Variants in COL24A1 observed in about 807,000 individuals in gnomAD.
COL24A1 encodes collagen alpha-1(XXIV) chain.
In COL24A1, 224 loss-of-function variants were observed where a neutral mutation model predicts 253.9. That is an observed-to-expected ratio of 0.88 (90% CI 0.79 to 0.99). The LOEUF (loss-of-function observed/expected upper bound fraction) is 0.99, where lower values mean the gene tolerates loss of function less well. Among genes scored for constraint, COL24A1 ranks in the 50% least tolerant of loss-of-function variants. The pLI, the probability that COL24A1 is intolerant of heterozygous loss-of-function variation, is 0.00. For missense variants in COL24A1, 2,131 were observed against 2,068.5 expected (o/e 1.03, Z -0.59); for synonymous variants, 685 against 673.7 (o/e 1.02, Z -0.26).
At chr1:86,082,699 A>C (rs986202761) in intron 7 of COL24A1, among the ~76,000 whole-genome samples, 1 of 136,838 alleles carries the variant, frequency 7.3e-6, no homozygotes, top group African/African-American at 2.8e-5. Context: ...CATAAATACA[A>C]TTTACATATT....
At chr1:86,056,197 C>T (rs960983977) in intron 10 of COL24A1, among the ~76,000 whole-genome samples, 1 of 151,636 alleles carries the variant, frequency 6.6e-6, no homozygotes, top group Non-Finnish European at 1.5e-5. Flanking sequence ...AAATCCAAGT[C>T]AACATGTGTT....
chr1:85,888,085 G>A (rs771743153), intron 32 of COL24A1, among the ~76,000 whole-genome samples: 4 of 151,620 alleles, frequency 2.6e-5, no homozygotes, highest in Non-Finnish European at 4.4e-5. Context: ...AATACAATAA[G>A]CCAGAAATTT....
At chr1:85,825,192 C>T (rs921285817) in intron 43 of COL24A1, among the ~76,000 whole-genome samples, 15 of 150,824 alleles carry the variant, frequency 9.9e-5, no homozygotes, top group Non-Finnish European at 2.1e-4. Context: ...TTTGTTCTTG[C>T]GATAGCTGAC....
chr1:85,964,680 GA>G (rs1368462096), intron 23 of COL24A1, among the ~76,000 whole-genome samples: 1 of 152,094 alleles, frequency 6.6e-6, no homozygotes, highest in African/African-American at 2.4e-5. Context: ...ACACTGAAAG[GA>G]AATGCTCATT....
intron 26 of COL24A1, among the ~76,000 whole-genome samples, chr1:85,909,213 G>A (rs1685135883): frequency 6.6e-6 from 1 of 151,704 alleles, no homozygotes; most frequent in Non-Finnish European, 1.5e-5. Context: ...CTAGCTGACA[G>A]CAACTGGAAA....
At chr1:86,030,750 C>CT (rs10708970) in intron 14 of COL24A1, among the ~76,000 whole-genome samples, 287 of 142,986 alleles carry the variant, frequency 2.0e-3, no homozygotes, top group East Asian at 7.8e-3. Flanking sequence ...TTTTTTCTTT[C>CT]TTTTTTTTTT....
At chr1:85,829,185 CT>C (rs1334516017) in intron 43 of COL24A1, among the ~76,000 whole-genome samples, 107 of 150,738 alleles carry the variant, frequency 7.1e-4, no homozygotes, top group African/African-American at 2.5e-3. Context: ...ACTTATGAAG[CT>C]TAGTTTGGCT....
At chr1:85,980,933 T>C (rs185368122) in intron 20 of COL24A1, among the ~76,000 whole-genome samples, 3 of 151,790 alleles carry the variant, frequency 2.0e-5, no homozygotes, top group African/African-American at 7.2e-5. Flanking sequence ...AAAAGAAATA[T>C]ACCTAACCAA....
At chr1:86,135,641 T>C (rs1363430887) in intron 2 of COL24A1, among the ~76,000 whole-genome samples, 1 of 152,034 alleles carries the variant, frequency 6.6e-6, no homozygotes, top group Non-Finnish European at 1.5e-5. Flanking sequence ...ATAATTTTTG[T>C]ATGACTTCTT....
At chr1:85,811,551 C>T (rs1025435738) in intron 47 of COL24A1, among the ~76,000 whole-genome samples, 1 of 152,126 alleles carries the variant, frequency 6.6e-6, no homozygotes, top group Non-Finnish European at 1.5e-5. Context: ...TTTACCTTCC[C>T]AACAGCAATG....
chr1:86,012,239 A>G (rs1056922872), intron 19 of COL24A1, among the ~76,000 whole-genome samples: 11 of 152,206 alleles, frequency 7.2e-5, no homozygotes, highest in African/African-American at 2.7e-4. Context: ...AAAAACTAAA[A>G]TTACTATTCA....
intron 7 of COL24A1, among the ~76,000 whole-genome samples, chr1:86,087,962 C>T (rs1459873618): frequency 6.6e-6 from 1 of 152,054 alleles, no homozygotes; most frequent in East Asian, 1.9e-4. Context: ...TCATGAGTAC[C>T]TTTTCATTAT....
chr1:86,119,818 G>C (rs1470477786), intron 3 of COL24A1, among the ~76,000 whole-genome samples: 1 of 152,084 alleles, frequency 6.6e-6, no homozygotes, highest in Non-Finnish European at 1.5e-5. Context: ...TTTGGAGGAG[G>C]GGAAAAGTGA....
chr1:85,889,754 G>A (rs1418275761), intron 31 of COL24A1, 141 bp from the exon 32 acceptor site: 4 of 713,430 alleles, frequency 5.6e-6, no homozygotes, highest in Admixed American at 5.4e-5. Context: ...TGCTTTTGTG[G>A]TAAGATACAC....
At chr1:86,021,393 G>A (rs1697526989) in intron 18 of COL24A1, among the ~76,000 whole-genome samples, 1 of 151,884 alleles carries the variant, frequency 6.6e-6, no homozygotes, top group African/African-American at 2.4e-5. Context: ...AAACAGTATG[G>A]CACAGTAGCT....
intron 20 of COL24A1, among the ~76,000 whole-genome samples, chr1:85,982,070 T>A (rs1693307665): frequency 6.6e-6 from 1 of 152,100 alleles, no homozygotes; most frequent in African/African-American, 2.4e-5. Flanking sequence ...ATACAAACAA[T>A]GGAATATTAT....
intron 2 of COL24A1, among the ~76,000 whole-genome samples, chr1:86,139,183 G>GT (rs910939943): frequency 1.3e-5 from 2 of 150,988 alleles, no homozygotes; most frequent in Non-Finnish European, 1.5e-5. Context: ...GGAGAAAGGG[G>GT]GGGGAGAGGG....
chr1:86,036,289 T>C (rs899925678), intron 12 of COL24A1, among the ~76,000 whole-genome samples: 1 of 152,076 alleles, frequency 6.6e-6, no homozygotes, highest in African/African-American at 2.4e-5. Context: ...TACCAAGCCG[T>C]TGTGTATTGT....
Position 85,734,907 on chromosome 1 carries a change from C to G in COL24A1, c.4840G>C (p.Ala1614Pro). The G allele has an allele frequency of 6.2e-7, 1 of 1,614,194 alleles. No homozygotes were observed. The highest frequency in any genetic ancestry group is 1.1e-5 in the South Asian group (1 of 91,084). The change falls in exon 59 of 60, where the codon GCC (alanine) becomes CCC (proline). Residue 1614 changes from alanine (A) to proline (P), a missense_variant. Physicochemically the swap from Ala to Pro is conservative, Grantham distance 27. Transcript: ENST00000370571. ...MNFLHLLSSEATHIITIHCLN... is the reference protein window; with the variant it reads ...MNFLHLLSSEPTHIITIHCLN... ...CAGTGAATGGTGATGATATGGGTGG[C>G]TTCCGAACTCAGTAAATGAAGGAAG...
Sources: gnomAD v4.1 joint callset for allele counts (sites outside exome capture counted in the v4.1 genomes callset) on GRCh38, gnomAD v4.1.1 for gene constraint, MANE v1.5 for transcripts, NCBI Gene and HGNC (gene_info 2026-07-23, HGNC 2026-07-21) for gene names.